The following FHIT variants were observed in gnomAD, a reference collection of about 807,000 sequenced individuals.
The protein encoded by FHIT is fragile histidine triad diadenosine triphosphatase, also known as bis(5'-adenosyl)-triphosphatase.
In FHIT, 19 loss-of-function variants were observed where a neutral mutation model predicts 17.9. The ratio of observed to expected loss-of-function variants is 1.06; its 90% CI spans 0.74 to 1.56. The LOEUF is 1.56. Among genes scored for constraint, FHIT ranks in the 40% most tolerant of loss-of-function variants. FHIT has a pLI of 0.00. For synonymous variants in FHIT, 81 were observed against 69.7 expected (o/e 1.16, Z -0.81); for missense variants, 248 against 189.2 (o/e 1.31, Z -1.82).
chr3:60,447,830 T>A (rs560190673), intron 5 of FHIT, among the ~76,000 whole-genome samples: 10 of 152,158 alleles, frequency 6.6e-5, no homozygotes. Context: ...CTGTAGAATA[T>A]AGTGTCCTAG....
At chr3:60,602,172 G>C (rs2038465289) in intron 4 of FHIT, among the ~76,000 whole-genome samples, 1 of 152,130 alleles carries the variant, frequency 6.6e-6, no homozygotes, top group African/African-American at 2.4e-5. Context: ...CTGAATCCAT[G>C]GGTGGAAATG....
intron 5 of FHIT, among the ~76,000 whole-genome samples, chr3:60,386,336 G>T (rs949652937): frequency 6.6e-6 from 1 of 151,994 alleles, no homozygotes; most frequent in Admixed American, 6.6e-5. Flanking sequence ...TTACCTTTCC[G>T]GCAGCACATT....
At chr3:61,225,703 T>C (rs1162066699) in intron 1 of FHIT, among the ~76,000 whole-genome samples, 2 of 152,256 alleles carry the variant, frequency 1.3e-5, no homozygotes, top group Admixed American at 6.5e-5. Context: ...TAGAGTACTT[T>C]AGAGTTTTAT....
chr3:60,607,375 T>G (rs2038640870), intron 4 of FHIT, among the ~76,000 whole-genome samples: 1 of 151,962 alleles, frequency 6.6e-6, no homozygotes, highest in Non-Finnish European at 1.5e-5. Flanking sequence ...ACTTTCATGT[T>G]TATTACTTGC....
Position 60,203,061 on chromosome 3 carries a change from G to A in FHIT, c.104-188909C>T, listed in dbSNP as rs139465712. On this transcript the variant is annotated intron_variant, in intron 5 of 9. Coordinates refer to ENST00000492590, the MANE Select transcript of FHIT (RefSeq NM_002012.4). ...ACACACACACGTGTCTGTAAAATTG[G>A]TAAAATCTGACTAAACTCTGTGGAT... Among the ~76,000 whole-genome samples, 3 of 151,772 alleles carry A rather than the reference G, an allele frequency of 2.0e-5. No homozygotes were observed. In the East Asian group the frequency reaches 5.8e-4, roughly 29 times the overall value.
chr3:60,464,978 T>C (rs777420062), intron 5 of FHIT, among the ~76,000 whole-genome samples: 4 of 152,164 alleles, frequency 2.6e-5, no homozygotes, highest in African/African-American at 4.8e-5. Flanking sequence ...CCACCAACAA[T>C]GTATGAGAGT....
chr3:60,596,914 G>T (rs2038290085), intron 4 of FHIT, among the ~76,000 whole-genome samples: 1 of 152,010 alleles, frequency 6.6e-6, no homozygotes, highest in Admixed American at 6.6e-5. Flanking sequence ...TACTGTATTT[G>T]ATTTCAGATA....
At chr3:61,005,196 G>T (rs1460145000) in intron 3 of FHIT, among the ~76,000 whole-genome samples, 6 of 152,176 alleles carry the variant, frequency 3.9e-5, no homozygotes, top group African/African-American at 1.4e-4. Flanking sequence ...TTATAATTAG[G>T]ATCTCAGATC....
At chr3:59,978,645 G>C (rs1708517347) in intron 7 of FHIT, among the ~76,000 whole-genome samples, 1 of 150,500 alleles carries the variant, frequency 6.6e-6, no homozygotes, top group South Asian at 2.1e-4. Flanking sequence ...CTGCTGAGGA[G>C]GGACACTTTG....
intron 3 of FHIT, among the ~76,000 whole-genome samples, chr3:61,036,476 T>A (rs2033246300): frequency 6.6e-6 from 1 of 152,180 alleles, no homozygotes; most frequent in East Asian, 1.9e-4. Context: ...ATGTTCCTCT[T>A]ATCATTGAAG....
Position 60,426,873 on chromosome 3 carries a change from A to C in FHIT, c.103+109987T>G, listed in dbSNP as rs575548330. 3.3e-5 allele frequency among the ~76,000 whole-genome samples: 5 copies of C among 152,230 alleles called. No individual in the cohort carries two copies. The East Asian group carries it at 9.7e-4, about 29-fold the overall frequency. ...CAGCAGACTTCTGAGATGTCCCTCAAGATTCTTGCCTCTGGTATATGTAAC... is the reference window on the plus strand; with the variant it reads ...CAGCAGACTTCTGAGATGTCCCTCACGATTCTTGCCTCTGGTATATGTAAC... On this transcript the variant is annotated intron_variant, in intron 5 of 9. Coordinates refer to ENST00000492590, the MANE Select transcript of FHIT (RefSeq NM_002012.4).
intron 4 of FHIT, among the ~76,000 whole-genome samples, chr3:60,609,710 C>T (rs1482703091): frequency 6.6e-6 from 1 of 152,102 alleles, no homozygotes; most frequent in Non-Finnish European, 1.5e-5. Context: ...TCTCAAATAG[C>T]CTTTCCATCT....
At chr3:59,949,017 TG>T (rs2107299355) in intron 7 of FHIT, among the ~76,000 whole-genome samples, 1 of 152,288 alleles carries the variant, frequency 6.6e-6, no homozygotes, top group East Asian at 1.9e-4. Context: ...ACCCAATAGT[TG>T]GTTTTTCAAC....
chr3:59,892,581 G>C (rs1300337019), intron 8 of FHIT, among the ~76,000 whole-genome samples: 5 of 152,136 alleles, frequency 3.3e-5, no homozygotes, highest in African/African-American at 1.2e-4. Flanking sequence ...GGAAAATTAA[G>C]CCAGAACACG....
At chr3:60,473,747 C>T (rs930516565) in intron 5 of FHIT, among the ~76,000 whole-genome samples, 10 of 152,000 alleles carry the variant, frequency 6.6e-5, no homozygotes, top group African/African-American at 1.9e-4. Context: ...AGTGAAACCC[C>T]GTCTCTACTA....
chr3:60,578,717 T>C (rs2037655714), intron 4 of FHIT, among the ~76,000 whole-genome samples: 1 of 152,124 alleles, frequency 6.6e-6, no homozygotes, highest in Non-Finnish European at 1.5e-5. Flanking sequence ...AAATGGGTAT[T>C]GCTGATCCTA....
At chr3:60,227,153 C>T (rs144847654) in intron 5 of FHIT, among the ~76,000 whole-genome samples, 41 of 152,174 alleles carry the variant, frequency 2.7e-4, no homozygotes, top group African/African-American at 9.4e-4. Context: ...TGGGCTGGGG[C>T]AATGAGCTGT....
intron 5 of FHIT, among the ~76,000 whole-genome samples, chr3:60,084,343 C>A (rs1176038571): frequency 6.6e-6 from 1 of 152,078 alleles, no homozygotes; most frequent in Non-Finnish European, 1.5e-5. Context: ...TTTGTTAATC[C>A]ATTTCCCCAG....
At chr3:59,893,717 T>C (rs114426633) in intron 8 of FHIT, among the ~76,000 whole-genome samples, 3,623 of 152,300 alleles carry the variant, frequency 0.024, 151 homozygotes, top group African/African-American at 0.082. Flanking sequence ...AGTTCAACCA[T>C]TTTCCCCCTT....
Sources: allele counts gnomAD v4.1 joint callset (sites outside exome capture counted in the v4.1 genomes callset), GRCh38; gene constraint gnomAD v4.1.1; transcripts MANE v1.5; gene names NCBI Gene and HGNC (gene_info 2026-07-23, HGNC 2026-07-21).